UNC5D: variants seen among roughly 807,000 people sequenced by gnomAD.
The protein encoded by UNC5D is unc-5 netrin receptor D, also known as netrin receptor UNC5D.
Under a neutral mutation model 105.4 loss-of-function variants are expected in UNC5D, and 39 were observed. That is an observed-to-expected ratio of 0.37 (90% CI 0.29 to 0.48). The LOEUF is 0.48. Among genes scored for constraint, UNC5D ranks in the 20% least tolerant of loss-of-function variants. The pLI is 0.98. For synonymous variants in UNC5D, 452 were observed against 450.4 expected, an observed-to-expected ratio of 1.00 and a Z score of -0.04; for missense variants, 991 against 1,202.4, an observed-to-expected ratio of 0.82 and a Z score of 2.60.
chr8:35,339,087 A>C (rs1452292049), intron 1 of UNC5D, among the ~76,000 whole-genome samples: 2 of 152,192 alleles, frequency 1.3e-5, no homozygotes, highest in Non-Finnish European at 2.9e-5. Context: ...GAACAGACCC[A>C]TGTAATAGTT....
intron 1 of UNC5D, among the ~76,000 whole-genome samples, chr8:35,300,001 G>T (rs1045198254): frequency 1.3e-5 from 2 of 152,130 alleles, no homozygotes; most frequent in African/African-American, 4.8e-5. Context: ...CTGCTAATTT[G>T]TACAAGAGAA....
At chr8:35,539,733 A>C (rs1815133989) in intron 1 of UNC5D, among the ~76,000 whole-genome samples, 1 of 152,200 alleles carries the variant, frequency 6.6e-6, no homozygotes, top group Non-Finnish European at 1.5e-5. Flanking sequence ...AAATCAGCCT[A>C]TATTTACATT....
intron 4 of UNC5D, among the ~76,000 whole-genome samples, chr8:35,615,107 C>A (rs1007197734): frequency 6.9e-6 from 1 of 144,144 alleles, no homozygotes; most frequent in Non-Finnish European, 1.5e-5. Context: ...GGCATGGTGG[C>A]GCACACATGT....
intron 1 of UNC5D, among the ~76,000 whole-genome samples, chr8:35,384,091 C>T (rs1173055423): frequency 1.3e-5 from 2 of 151,788 alleles, no homozygotes; most frequent in Non-Finnish European, 2.9e-5. Flanking sequence ...TGGCGGGCAC[C>T]TGTAGTCCCA....
intron 3 of UNC5D, among the ~76,000 whole-genome samples, chr8:35,590,949 C>T (rs954405658): frequency 2.6e-5 from 4 of 152,098 alleles, no homozygotes; most frequent in Admixed American, 1.3e-4. Context: ...CATCTTTCTT[C>T]CCTGATCCCT....
intron 4 of UNC5D, among the ~76,000 whole-genome samples, chr8:35,655,473 T>G (rs1211809703): frequency 6.6e-6 from 1 of 152,206 alleles, no homozygotes; most frequent in Non-Finnish European, 1.5e-5. Flanking sequence ...TTTCAGCTGC[T>G]CTATTAGAAT....
chr8:35,504,401 A>G (rs1812178693), intron 1 of UNC5D, among the ~76,000 whole-genome samples: 1 of 152,188 alleles, frequency 6.6e-6, no homozygotes, highest in South Asian at 2.1e-4. Flanking sequence ...GTTAGCTCTT[A>G]GTTTTCAATC....
At chr8:35,484,345 G>A (rs1022819569) in intron 1 of UNC5D, among the ~76,000 whole-genome samples, 5 of 152,148 alleles carry the variant, frequency 3.3e-5, no homozygotes, top group Non-Finnish European at 5.9e-5. Flanking sequence ...AGCTACTCAA[G>A]CCAGAATCTT....
At chr8:35,760,267 T>G (rs1318468605) in intron 14 of UNC5D, among the ~76,000 whole-genome samples, 1 of 152,078 alleles carries the variant, frequency 6.6e-6, no homozygotes, top group African/African-American at 2.4e-5. Context: ...GGTCTTGAAC[T>G]CCTGACCTCA....
intron 1 of UNC5D, among the ~76,000 whole-genome samples, chr8:35,467,692 T>C (rs1444727530): frequency 6.6e-6 from 1 of 151,976 alleles, no homozygotes; most frequent in East Asian, 1.9e-4. Flanking sequence ...TCTCATCCAG[T>C]ATCTATTTTA....
At chr8:35,246,170 T>A (rs886514147) in intron 1 of UNC5D, among the ~76,000 whole-genome samples, 1 of 152,178 alleles carries the variant, frequency 6.6e-6, no homozygotes, top group African/African-American at 2.4e-5. Flanking sequence ...TCATTAAGGC[T>A]CCTTCCTGCT....
intron 4 of UNC5D, among the ~76,000 whole-genome samples, chr8:35,603,925 G>T (rs1481583153): frequency 6.6e-6 from 1 of 151,844 alleles, no homozygotes; most frequent in Non-Finnish European, 1.5e-5. Context: ...TTTATTTTGA[G>T]CCTATGTGTG....
chr8:35,629,764 T>C (rs1403848022), intron 4 of UNC5D, among the ~76,000 whole-genome samples: 1 of 152,220 alleles, frequency 6.6e-6, no homozygotes, highest in Non-Finnish European at 1.5e-5. Flanking sequence ...CAAAAACAAA[T>C]ACAATTTCTA....
chr8:35,438,383 A>G (rs11984853), intron 1 of UNC5D, among the ~76,000 whole-genome samples: 64,765 of 151,822 alleles, frequency 0.43, 13,948 homozygotes, highest in East Asian at 0.54. Context: ...ATGGTGCCTC[A>G]GTGGTGCACA....
At chr8:35,656,269 G>T (rs1277257684) in intron 4 of UNC5D, among the ~76,000 whole-genome samples, 1 of 152,016 alleles carries the variant, frequency 6.6e-6, no homozygotes, top group Non-Finnish European at 1.5e-5. Context: ...TTATTTTATT[G>T]CCTCCAAGCA....
intron 3 of UNC5D, among the ~76,000 whole-genome samples, chr8:35,577,159 T>C (rs1818151368): frequency 6.6e-6 from 1 of 152,222 alleles, no homozygotes; most frequent in Non-Finnish European, 1.5e-5. Flanking sequence ...TCATGGTGTG[T>C]GTTTTAAAAT....
At chr8:35,634,642 G>A (rs1201157576) in intron 4 of UNC5D, among the ~76,000 whole-genome samples, 2 of 151,928 alleles carry the variant, frequency 1.3e-5, no homozygotes, top group Non-Finnish European at 2.9e-5. Flanking sequence ...ATGCAGGGGG[G>A]AAAAAACAGA....
At chr8:35,327,604 C>T (rs1473054954) in intron 1 of UNC5D, among the ~76,000 whole-genome samples, 1 of 152,140 alleles carries the variant, frequency 6.6e-6, no homozygotes. Flanking sequence ...ACAAATGTCC[C>T]CTTTCAACAA....
chr8:35,542,582 C>T (rs1815356634), intron 1 of UNC5D, among the ~76,000 whole-genome samples: 1 of 152,182 alleles, frequency 6.6e-6, no homozygotes, highest in African/African-American at 2.4e-5. Context: ...CAACAGGAAA[C>T]CCATTGTCTA....
Sources: allele counts gnomAD v4.1 joint callset (sites outside exome capture counted in the v4.1 genomes callset), GRCh38; gene constraint gnomAD v4.1.1; transcripts MANE v1.5; gene names NCBI Gene and HGNC (gene_info 2026-07-23, HGNC 2026-07-21).